Variants in AR observed in about 807,000 individuals in gnomAD.
AR encodes the protein androgen receptor.
A neutral mutation model predicts 53.9 loss-of-function variants in AR; 8 were observed. The ratio of observed to expected loss-of-function variants is 0.15; its 90% CI spans 0.09 to 0.27. The LOEUF is 0.27. Ranked by LOEUF, AR falls within the 10% of genes least tolerant of loss-of-function variation. The pLI, the probability that AR is intolerant of heterozygous loss-of-function variation, is 1.00. For synonymous variants in AR, 359 were observed against 316.4 expected, an observed-to-expected ratio of 1.13 and a Z score of -1.43; for missense variants, 639 against 742.5, an observed-to-expected ratio of 0.86 and a Z score of 1.62.
In AR at chrX:67,643,263, A is replaced by G. The variant is rs749866054; in HGVS notation, c.1624A>G (p.Thr542Ala). The change falls in exon 2 of 8, where the codon ACT (threonine) becomes GCT (alanine). Residue 542 changes from threonine to alanine, a missense_variant. Physicochemically the swap from Thr to Ala is moderately conservative, Grantham distance 58 (BLOSUM62 0). This residue lies in a region of AR where 423 missense variants were observed against 377.0 expected (regional missense o/e 1.12). Transcript: ENST00000374690. Reference sequence around the variant, plus strand: ...TTTTTTGTGTCTTTCCAGTTTGGAGACTGCCAGGGACCATGTTTTGCCCAT... The same window carrying G: ...TTTTTTGTGTCTTTCCAGTTTGGAGGCTGCCAGGGACCATGTTTTGCCCAT... The part of the protein sequence containing the change: ...SGPYGDMRLE[T>A]ARDHVLPIDY... 2 of 1,209,627 alleles carry G rather than the reference A, an allele frequency of 1.7e-6. No individual in the cohort carries two copies. The highest frequency in any genetic ancestry group is 2.2e-5 in the Admixed American group (1 of 45,640).
rs1291672604 is a variant in AR at position 67,725,124 on chromosome X, C to G, written c.*1283C>G. 1.1e-5 allele frequency: 2 copies of G among 174,373 alleles called. No individual in the cohort carries two copies. Among genetic ancestry groups the G allele is most frequent in the Non-Finnish European group, 2.2e-5 (2 of 91,490 alleles). The allele number at this position is 174,373 out of a possible 1,213,427, so 14.4% of individuals were successfully genotyped here. A position where few individuals can be genotyped will look rare whatever the true frequency, so the allele number is the denominator to read the frequency against. On this transcript the variant is annotated 3_prime_UTR_variant, in exon 8 of 8. Transcript: ENST00000374690. ...AGTGTTTTGTGGGCCTGAATTTCATCACACTGCATTTCAGCCATGGTCATC... is the reference window on the plus strand; with the variant it reads ...AGTGTTTTGTGGGCCTGAATTTCATGACACTGCATTTCAGCCATGGTCATC...
At chrX:67,688,083 G>A (rs2075976646) in intron 3 of AR, among the ~76,000 whole-genome samples, 1 of 111,752 alleles carries the variant, frequency 8.9e-6, no homozygotes, top group Non-Finnish European at 1.9e-5. Context: ...GAGTGGGCTT[G>A]GTGAACACAA....
chrX:67,717,673 A>G (rs2147531374), intron 5 of AR, 51 bp downstream of exon 5: 1 of 1,200,498 alleles, frequency 8.3e-7, no homozygotes, highest in Non-Finnish European at 1.1e-6. Flanking sequence ...GCTTGGCCAG[A>G]CCTGGTTGGT....
At chrX:67,608,404 C>T (rs972499876) in intron 1 of AR, among the ~76,000 whole-genome samples, 6 of 111,928 alleles carry the variant, frequency 5.4e-5, no homozygotes, top group Non-Finnish European at 7.5e-5. Flanking sequence ...GTGGTGCCAG[C>T]TTAAGATGCT....
In AR at chrX:67,717,545, G is replaced by A; in HGVS notation, c.2241G>A (p.Val747=). The change falls in exon 5 of 8, where the codon GTG becomes GTA. Residue 747 remains valine, a synonymous_variant. Transcript: ENST00000374690. ...VIQYSWMGLM[V]FAMGWRSFTN... ...AGTACTCCTGGATGGGGCTCATGGTGTTTGCCATGGGCTGGCGATCCTTCA... is the reference window on the plus strand; with the variant it reads ...AGTACTCCTGGATGGGGCTCATGGTATTTGCCATGGGCTGGCGATCCTTCA... The A allele has an allele frequency of 8.3e-7, 1 of 1,211,912 alleles. No homozygotes were observed. The highest frequency in any genetic ancestry group is 1.1e-6 in the Non-Finnish European group (1 of 895,421).
At chrX:67,605,297 A>C (rs1923571964) in intron 1 of AR, among the ~76,000 whole-genome samples, 1 of 112,413 alleles carries the variant, frequency 8.9e-6, no homozygotes, top group Non-Finnish European at 1.9e-5. Flanking sequence ...TGGTTAAGTG[A>C]AGTCCAAAAA....
chrX:67,567,668 G>A lies in AR; in HGVS notation c.1616+20906G>A, dbSNP rs556747795. ...ACCTACGCTTAAAATACTAGGGTTT[G>A]TGTCCAGACTTTGTGGGTTACTATC... On this transcript the variant is annotated intron_variant, in intron 1 of 7. Coordinates refer to ENST00000374690, the MANE Select transcript of AR (RefSeq NM_000044.6). 2.7e-5 allele frequency among the ~76,000 whole-genome samples: 3 copies of A among 111,999 alleles called. No individual in the cohort carries two copies. In the East Asian group the frequency reaches 8.5e-4, roughly 32 times the overall value.
Position 67,678,710 on chromosome X carries a change from G to A in AR, c.1769-7300G>A, listed in dbSNP as rs112807239. ...ACCCTACAACCTCAAGTAGGCCCTG[G>A]TGTCTATTGTTCCCCTCTTTGTGTC... is the stretch of plus-strand genomic sequence containing the variant. On this transcript the variant is annotated intron_variant, in intron 2 of 7. Coordinates refer to ENST00000374690, the MANE Select transcript of AR (RefSeq NM_000044.6). 8.6e-3 allele frequency among the ~76,000 whole-genome samples: 953 copies of A among 111,223 alleles called. 13 individuals carry two copies. The highest frequency in any genetic ancestry group is 0.03 in the African/African-American group (909 of 30,622).
chrX:67,655,946 T>C (rs1723235833), intron 2 of AR, among the ~76,000 whole-genome samples: 1 of 112,225 alleles, frequency 8.9e-6, no homozygotes, highest in African/African-American at 3.2e-5. Flanking sequence ...AAATAATTTG[T>C]CTGTTGCTAT....
intron 2 of AR, among the ~76,000 whole-genome samples, chrX:67,677,336 TAATC>T (rs2075906035): frequency 9.0e-6 from 1 of 111,606 alleles, no homozygotes. Flanking sequence ...AAAGATAGAT[TAATC>T]AATCATTCAT....
At chrX:67,649,337 G>A (rs928518936) in intron 2 of AR, among the ~76,000 whole-genome samples, 3 of 111,932 alleles carry the variant, frequency 2.7e-5, no homozygotes, top group East Asian at 5.6e-4. Flanking sequence ...ATAAACATAC[G>A]TATGCATGCG....
chrX:67,643,244 G>A lies in AR; in HGVS notation c.1617-12G>A, dbSNP rs1925879528. 5.0e-6 allele frequency: 6 copies of A among 1,211,158 alleles called. No individual in the cohort carries two copies. The highest frequency in any genetic ancestry group is 6.7e-6 in the Non-Finnish European group (6 of 895,171). Reference sequence around the variant, plus strand: ...GTGACATGTGTTGCATTGGTTTTTTGTGTCTTTCCAGTTTGGAGACTGCCA... The same window carrying A: ...GTGACATGTGTTGCATTGGTTTTTTATGTCTTTCCAGTTTGGAGACTGCCA... On this transcript the variant is annotated splice_polypyrimidine_tract_variant and intron_variant, in intron 1 of 7. Transcript: ENST00000374690.
chrX:67,628,781 G>A (rs1924866127), intron 1 of AR, among the ~76,000 whole-genome samples: 1 of 111,688 alleles, frequency 9.0e-6, no homozygotes, highest in Non-Finnish European at 1.9e-5. Context: ...GTTTGTCATA[G>A]ATAGCTCTTA....
intron 1 of AR, among the ~76,000 whole-genome samples, chrX:67,642,716 G>A (rs190547064): frequency 2.7e-5 from 3 of 111,547 alleles, no homozygotes; most frequent in Non-Finnish European, 1.9e-5. Flanking sequence ...TATTCCAATG[G>A]CATTTTATCC....
chrX:67,587,356 A>T (rs1922597751), intron 1 of AR, among the ~76,000 whole-genome samples: 1 of 112,660 alleles, frequency 8.9e-6, no homozygotes, highest in Non-Finnish European at 1.9e-5. Flanking sequence ...GGCTATCCAT[A>T]TGCTTTCCAG....
At chrX:67,692,292 C>G (rs915381311) in intron 3 of AR, among the ~76,000 whole-genome samples, 2 of 112,524 alleles carry the variant, frequency 1.8e-5, no homozygotes, top group Non-Finnish European at 3.8e-5. Flanking sequence ...GACCCTCAGG[C>G]TGGTGATGCA....
In AR at chrX:67,719,247, C is replaced by T. The variant is rs78053838; in HGVS notation, c.2318+1625C>T. The stretch of plus-strand genomic sequence containing the variant: ...GATCTCCGCAAAGTTGCCTATGATG[C>T]CATCTTCTGGGGCAGGCCTTGAAAA... On this transcript the variant is annotated intron_variant, in intron 5 of 7. Coordinates refer to ENST00000374690, the MANE Select transcript of AR (RefSeq NM_000044.6). Among the ~76,000 whole-genome samples the T allele has an allele frequency of 4.8e-4, 54 of 111,641 alleles. No individual in the cohort carries two copies. The East Asian group carries it at 0.015, about 31-fold the overall frequency.
chrX:67,660,047 T>G, intron 2 of AR, among the ~76,000 whole-genome samples: 1 of 112,267 alleles, frequency 8.9e-6, no homozygotes, highest in Non-Finnish European at 1.9e-5. Context: ...CTTTGCCCAC[T>G]TTTTGATAGG....
At chrX:67,671,549 G>T (rs764496795) in intron 2 of AR, among the ~76,000 whole-genome samples, 2 of 111,990 alleles carry the variant, frequency 1.8e-5, no homozygotes, top group African/African-American at 6.5e-5. Context: ...TCTGTAAGTT[G>T]CCTGTTCCCT....
Sources: allele counts gnomAD v4.1 joint callset (sites outside exome capture counted in the v4.1 genomes callset), GRCh38; gene constraint gnomAD v4.1.1; regional missense constraint gnomAD v4.1.1; transcripts MANE v1.5; gene names NCBI Gene and HGNC (gene_info 2026-07-23, HGNC 2026-07-21).